SI: variants seen among roughly 807,000 people sequenced by gnomAD.
SI encodes sucrase-isomaltase, intestinal.
In SI, 235 loss-of-function variants were observed where a neutral mutation model predicts 253.3. The ratio of observed to expected loss-of-function variants is 0.93; its 90% CI spans 0.83 to 1.03. The LOEUF is 1.03. SI is among the 50% of genes least tolerant of loss of function. The pLI, the probability that SI is intolerant of heterozygous loss-of-function variation, is 0.00. For synonymous variants in SI, 819 were observed against 712.0 expected (o/e 1.15, Z -2.39); for missense variants, 2,442 against 2,211.1 (o/e 1.10, Z -2.09).
At chr3:165,059,763 T>C in intron 10 of SI, 139 bp downstream of exon 10, 1 of 866,224 alleles carries the variant, frequency 1.2e-6, no homozygotes, top group Non-Finnish European at 1.9e-6. Context: ...AGATAAAATA[T>C]ACTTTACAAT....
chr3:164,984,844 T>C (rs535772359), intron 45 of SI, among the ~76,000 whole-genome samples: 3 of 152,238 alleles, frequency 2.0e-5, no homozygotes, highest in African/African-American at 4.8e-5. Flanking sequence ...ATCAACTAGA[T>C]TGTTGTGTTT....
intron 37 of SI, among the ~76,000 whole-genome samples, chr3:165,000,748 C>T (rs1718221436): frequency 6.6e-6 from 1 of 151,354 alleles, no homozygotes. Flanking sequence ...ATTTCCAACA[C>T]TGTTTCAATT....
Position 165,032,627 on chromosome 3 carries a change from A to C in SI, c.2631T>G (p.Thr877=). The C allele has an allele frequency of 1.2e-6, 2 of 1,608,710 alleles. No homozygotes were observed. The highest frequency in any genetic ancestry group is 1.7e-6 in the Non-Finnish European group (2 of 1,176,262). The part of the protein sequence containing the change: ...YQEGTTLAFQ[T]VKILGLTDSV... ...TGTCTGTCAACCCAAGGATTTTTAC[A>C]GTCTGAAATGCTAAGGTAGTTCCTT... Residue 877 remains threonine (T), a synonymous_variant, in exon 24 of 48, where the codon ACT becomes ACG. Transcript: ENST00000264382.
chr3:164,981,804 C>G (rs1717201609), intron 47 of SI, among the ~76,000 whole-genome samples: 1 of 152,094 alleles, frequency 6.6e-6, no homozygotes, highest in South Asian at 2.1e-4. Context: ...ACGCAAGAAT[C>G]CTGATTCCTT....
intron 12 of SI, among the ~76,000 whole-genome samples, chr3:165,057,791 A>G (rs994056484): frequency 2.0e-5 from 3 of 152,034 alleles, no homozygotes; most frequent in Non-Finnish European, 2.9e-5. Flanking sequence ...TTTCTCAAGC[A>G]AAAGCTGAGG....
chr3:165,074,040 T>A (rs1308112271), intron 3 of SI, among the ~76,000 whole-genome samples: 1 of 152,084 alleles, frequency 6.6e-6, no homozygotes, highest in African/African-American at 2.4e-5. Context: ...TTGGGTTACA[T>A]GAATCCAATT....
chr3:165,068,983 C>T, intron 4 of SI, 95 bp downstream of exon 4: 1 of 1,067,550 alleles, frequency 9.4e-7, no homozygotes, highest in Non-Finnish European at 1.4e-6. Context: ...TTCTCAGGAA[C>T]ATATTTCTTA....
At chr3:165,044,063 A>G (rs73020927) in intron 16 of SI, among the ~76,000 whole-genome samples, 6,661 of 152,084 alleles carry the variant, frequency 0.044, 271 homozygotes, top group South Asian at 0.1. Context: ...GACAGGTTGC[A>G]GTCAAAACTG....
At chr3:165,036,013 T>C (rs533317406) in intron 22 of SI, among the ~76,000 whole-genome samples, 2 of 151,840 alleles carry the variant, frequency 1.3e-5, no homozygotes, top group African/African-American at 4.8e-5. Flanking sequence ...TAAATGTTGG[T>C]TTTATTTTCT....
Position 164,992,333 on chromosome 3 carries a change from C to T in SI, c.4906G>A (p.Val1636Ile). ...CTTACAGGTTCCAGTACTGGGGTAACCATAAATGCTGGACCCCATAAGAAC... is the reference window on the plus strand; with the variant it reads ...CTTACAGGTTCCAGTACTGGGGTAATCATAAATGCTGGACCCCATAAGAAC... ...KQFLWGPAFM[V>I]TPVLEPYVQT... The change falls in exon 42 of 48, where the codon GTT becomes ATT. Residue 1636 changes from valine (V) to isoleucine (I), a missense_variant. Transcript: ENST00000264382. 1.2e-6 allele frequency: 2 copies of T among 1,613,278 alleles called. No individual in the cohort carries two copies. The highest frequency in any genetic ancestry group is 1.7e-6 in the Non-Finnish European group (2 of 1,179,482).
rs145596375 is a variant in SI at position 165,036,370 on chromosome 3, G to A, written c.2515+19C>T. 1,504 of 1,540,370 alleles carry A rather than the reference G, an allele frequency of 9.8e-4. 5 individuals are homozygous for A. In the African/African-American group the frequency reaches 0.017, roughly 18 times the overall value. On this transcript the variant is annotated intron_variant, in intron 22 of 47. Coordinates refer to ENST00000264382, the MANE Select transcript of SI (RefSeq NM_001041.4). Reference sequence around the variant, plus strand: ...CATTATCAGAGTGAACATTTAAAGCGTATTACTTTCAGACTTACCTTTAGT... The same window carrying A: ...CATTATCAGAGTGAACATTTAAAGCATATTACTTTCAGACTTACCTTTAGT...
Position 165,062,461 on chromosome 3 carries a change from T to C in SI, c.930A>G (p.Pro310=), listed in dbSNP as rs768246833. The part of the protein sequence containing the change: ...NAMEIFIQPT[P]IVTYRVTGGI... ...CACCGGTAACTCTATATGTTACTAT[T>C]GGAGTAGGCTGGATAAAAATCTCTG... The change falls in exon 9 of 48, where the codon CCA becomes CCG. Residue 310 remains proline, a synonymous_variant. Transcript: ENST00000264382. 8 of 1,591,684 alleles carry C rather than the reference T, an allele frequency of 5.0e-6. No homozygotes were observed. The Admixed American group carries it at 1.3e-4, about 27-fold the overall frequency.
At chr3:165,087,171 G>C in the SI span, among the ~76,000 whole-genome samples, 1 of 152,006 alleles carries the variant, frequency 6.6e-6, no homozygotes. Flanking sequence ...AACTGTCTTG[G>C]AGAATGGGTA....
intron 33 of SI, 83 bp downstream of exon 33, chr3:165,015,040 T>C: frequency 9.8e-7 from 1 of 1,024,474 alleles, no homozygotes; most frequent in Non-Finnish European, 1.5e-6. Flanking sequence ...TCCTGAACGG[T>C]TTTAACTTTT....
intron 34 of SI, among the ~76,000 whole-genome samples, chr3:165,010,230 G>T (rs1388529806): frequency 6.6e-6 from 1 of 152,076 alleles, no homozygotes; most frequent in Non-Finnish European, 1.5e-5. Flanking sequence ...CACAACCTCG[G>T]CTCACTGCAA....
intron 2 of SI, among the ~76,000 whole-genome samples, chr3:165,075,140 C>A (rs746405242): frequency 6.6e-6 from 1 of 151,750 alleles, no homozygotes; most frequent in African/African-American, 2.4e-5. Flanking sequence ...GCTGGAATAG[C>A]GAAGAATGGT....
At position 165,019,810 on chromosome 3, in the gene SI, T is replaced by C. The variant is rs761466690; in HGVS notation, c.3255-40A>G. 25 of 1,528,244 alleles carry C rather than the reference T, an allele frequency of 1.6e-5. No homozygotes were observed. In the Middle Eastern group the frequency reaches 6.8e-4, roughly 42 times the overall value. 94.7% of individuals were successfully genotyped at this position (1,528,244 alleles called of 1,614,324 possible). ...AAACAAAGCTATGTCTGTCAAAATA[T>C]ATGCAAAGTAGTATCACAAATAATA... On this transcript the variant is annotated intron_variant, in intron 27 of 47. Coordinates refer to ENST00000264382, the MANE Select transcript of SI (RefSeq NM_001041.4).
chr3:164,982,157 G>A (rs1717218508), intron 47 of SI, 86 bp downstream of exon 47: 1 of 965,376 alleles, frequency 1.0e-6, no homozygotes, highest in East Asian at 2.5e-5. Flanking sequence ...TCATAATTAT[G>A]TTTCTTACAG....
chr3:165,089,184 C>A, the SI span, among the ~76,000 whole-genome samples: 13 of 148,782 alleles, frequency 8.7e-5, no homozygotes, highest in African/African-American at 2.2e-4. Context: ...TCAGAAGATA[C>A]AAAAGAAAAA....
Sources: allele counts gnomAD v4.1 joint callset (sites outside exome capture counted in the v4.1 genomes callset), GRCh38; gene constraint gnomAD v4.1.1; transcripts MANE v1.5; gene names NCBI Gene and HGNC (gene_info 2026-07-23, HGNC 2026-07-21).